Variants in RAPGEF2 observed in about 807,000 individuals in gnomAD.
RAPGEF2 encodes Rap guanine nucleotide exchange factor 2, also known as PDZ domain containing guanine nucleotide exchange factor (GEF) 1.
Under a neutral mutation model 186.7 loss-of-function variants are expected in RAPGEF2, and 54 were observed. That is an observed-to-expected ratio of 0.29 (90% CI 0.23 to 0.36). The LOEUF is 0.36. Among genes scored for constraint, RAPGEF2 ranks in the 10% least tolerant of loss-of-function variants. The pLI, the probability that RAPGEF2 is intolerant of heterozygous loss-of-function variation, is 1.00. For synonymous variants in RAPGEF2, 712 were observed against 705.9 expected (o/e 1.01, Z -0.14); for missense variants, 1,532 against 2,045.0 (o/e 0.75, Z 4.84).
chr4:159,325,397 AG>A (rs1765786523), intron 11 of RAPGEF2, among the ~76,000 whole-genome samples: 1 of 152,196 alleles, frequency 6.6e-6, no homozygotes, highest in Non-Finnish European at 1.5e-5. Context: ...GGGCATTTAA[AG>A]GGAATTATAT....
At chr4:159,326,821 T>G (rs1203246685) in intron 11 of RAPGEF2, 1 of 152,278 alleles carries the variant, frequency 6.6e-6, no homozygotes, top group Non-Finnish European at 1.5e-5. Flanking sequence ...CTTTATTCTT[T>G]TCCCTTGTTT....
intron 1 of RAPGEF2, among the ~76,000 whole-genome samples, chr4:159,183,932 C>T (rs1286569056): frequency 6.6e-6 from 1 of 152,134 alleles, no homozygotes; most frequent in African/African-American, 2.4e-5. Context: ...TGATGTTCCC[C>T]ACCCTGTGTC....
intron 4 of RAPGEF2, among the ~76,000 whole-genome samples, chr4:159,216,368 T>A (rs1750994730): frequency 6.6e-6 from 1 of 152,170 alleles, no homozygotes; most frequent in African/African-American, 2.4e-5. Flanking sequence ...AGATGGGTAT[T>A]TTAATGTATG....
chr4:159,351,620 A>G (rs1940819020), intron 26 of RAPGEF2, among the ~76,000 whole-genome samples: 1 of 152,152 alleles, frequency 6.6e-6, no homozygotes, highest in Non-Finnish European at 1.5e-5. Flanking sequence ...GAATATTGAG[A>G]AAGAAGATTT....
intron 7 of RAPGEF2, among the ~76,000 whole-genome samples, chr4:159,261,350 C>T (rs1217502024): frequency 6.6e-6 from 1 of 152,074 alleles, no homozygotes; most frequent in African/African-American, 2.4e-5. Flanking sequence ...GCGTGAGCCA[C>T]CGCATCCAGC....
chr4:159,273,042 T>C (rs2110828264), intron 7 of RAPGEF2, among the ~76,000 whole-genome samples: 1 of 152,302 alleles, frequency 6.6e-6, no homozygotes, highest in East Asian at 1.9e-4. Flanking sequence ...TCCTTAGCAA[T>C]GTAGAAAAAA....
At chr4:159,300,024 C>T (rs1335721688) in intron 7 of RAPGEF2, among the ~76,000 whole-genome samples, 1 of 151,786 alleles carries the variant, frequency 6.6e-6, no homozygotes, top group Non-Finnish European at 1.5e-5. Flanking sequence ...ATTCAGTCCA[C>T]ACAACACAGG....
intron 1 of RAPGEF2, among the ~76,000 whole-genome samples, chr4:159,128,197 CT>C (rs1455009180): frequency 1.3e-5 from 2 of 152,084 alleles, no homozygotes; most frequent in East Asian, 3.8e-4. Flanking sequence ...AATGTCTTAA[CT>C]TTTACATTAC....
chr4:159,130,738 T>A (rs2049063679), intron 1 of RAPGEF2, among the ~76,000 whole-genome samples: 1 of 152,174 alleles, frequency 6.6e-6, no homozygotes, highest in Non-Finnish European at 1.5e-5. Context: ...TGGGACAGGA[T>A]GTTGCTCTGT....
chr4:159,206,565 A>T (rs540951436), intron 3 of RAPGEF2, among the ~76,000 whole-genome samples: 3 of 152,162 alleles, frequency 2.0e-5, no homozygotes, highest in African/African-American at 7.2e-5. Flanking sequence ...TCACTTTCCC[A>T]TTTTTACATA....
chr4:159,317,298 T>C (rs747047999), intron 9 of RAPGEF2, among the ~76,000 whole-genome samples: 5 of 152,224 alleles, frequency 3.3e-5, no homozygotes, highest in Non-Finnish European at 7.3e-5. Context: ...TCAGCTAATG[T>C]GGGTGAGCAC....
At chr4:159,188,048 A>T (rs190349206) in intron 2 of RAPGEF2, among the ~76,000 whole-genome samples, 1 of 151,522 alleles carries the variant, frequency 6.6e-6, no homozygotes, top group East Asian at 1.9e-4. Flanking sequence ...TAGAAAGGGC[A>T]AAACCACTGG....
intron 6 of RAPGEF2, among the ~76,000 whole-genome samples, chr4:159,242,919 A>G (rs959540646): frequency 6.6e-6 from 1 of 151,930 alleles, no homozygotes; most frequent in African/African-American, 2.4e-5. Context: ...ATTATTTAAA[A>G]TGTAGCGTTA....
intron 7 of RAPGEF2, among the ~76,000 whole-genome samples, chr4:159,286,236 C>G (rs973185160): frequency 6.6e-6 from 1 of 152,138 alleles, no homozygotes; most frequent in Non-Finnish European, 1.5e-5. Context: ...GCTCAAACCT[C>G]TGTATCCTTC....
At chr4:159,269,428 C>T (rs1199034902) in intron 7 of RAPGEF2, among the ~76,000 whole-genome samples, 1 of 151,606 alleles carries the variant, frequency 6.6e-6, no homozygotes, top group East Asian at 2.0e-4. Context: ...TGGATCAGAT[C>T]CAGAAAAAGA....
chr4:159,164,211 A>G (rs1221850810), intron 1 of RAPGEF2, among the ~76,000 whole-genome samples: 4 of 151,206 alleles, frequency 2.6e-5, no homozygotes, highest in Non-Finnish European at 4.4e-5. Flanking sequence ...TCACCGTGTT[A>G]GCCAGGATGG....
intron 7 of RAPGEF2, among the ~76,000 whole-genome samples, chr4:159,301,808 A>G (rs112865537): frequency 6.6e-6 from 1 of 152,216 alleles, no homozygotes; most frequent in African/African-American, 2.4e-5. Context: ...ACAGTGAGCT[A>G]TGATTGTGTC....
chr4:159,309,296 T>C (rs1763678450), intron 8 of RAPGEF2, among the ~76,000 whole-genome samples: 1 of 152,206 alleles, frequency 6.6e-6, no homozygotes, highest in African/African-American at 2.4e-5. Flanking sequence ...GCCTAATCTT[T>C]TTATTTCCTT....
intron 1 of RAPGEF2, among the ~76,000 whole-genome samples, chr4:159,131,433 AGATT>A (rs1456951717): frequency 6.6e-6 from 1 of 151,026 alleles, no homozygotes; most frequent in Non-Finnish European, 1.5e-5. Context: ...ATAACGTTTA[AGATT>A]GATTGATTGC....
Sources: gnomAD v4.1 joint callset for allele counts (sites outside exome capture counted in the v4.1 genomes callset) on GRCh38, gnomAD v4.1.1 for gene constraint, MANE v1.5 for transcripts, NCBI Gene and HGNC (gene_info 2026-07-23, HGNC 2026-07-21) for gene names.